PTCHD4: variants seen among roughly 807,000 people sequenced by gnomAD.
The protein encoded by PTCHD4 is patched domain containing 4, also known as patched domain-containing protein 4.
Under a neutral mutation model 58.1 loss-of-function variants are expected in PTCHD4, and 33 were observed. The observed-to-expected ratio is 0.57, with a 90% confidence interval of 0.43 to 0.76. PTCHD4 has a LOEUF of 0.76. PTCHD4 is among the 30% of genes least tolerant of loss of function. The pLI, the probability that PTCHD4 is intolerant of heterozygous loss-of-function variation, is 0.00. For synonymous variants in PTCHD4, 478 were observed against 409.6 expected (o/e 1.17, Z -2.02); for missense variants, 1,058 against 1,027.1 (o/e 1.03, Z -0.41).
intron 1 of PTCHD4, among the ~76,000 whole-genome samples, chr6:48,090,171 G>A (rs890194637): frequency 1.3e-5 from 2 of 152,142 alleles, no homozygotes; most frequent in African/African-American, 4.8e-5. Context: ...TGCATTTAGT[G>A]TTAGAAATTC....
intron 4 of PTCHD4, among the ~76,000 whole-genome samples, chr6:48,002,714 C>T (rs1221291744): frequency 6.6e-6 from 1 of 151,858 alleles, no homozygotes; most frequent in Admixed American, 6.6e-5. Flanking sequence ...ATATATGTAA[C>T]AAACCTGCAC....
At chr6:48,013,930 G>A (rs1762780514) in intron 3 of PTCHD4, among the ~76,000 whole-genome samples, 1 of 152,070 alleles carries the variant, frequency 6.6e-6, no homozygotes, top group Admixed American at 6.6e-5. Context: ...CTGGACAAAA[G>A]ACAAAATTTT....
chr6:48,094,867 A>G (rs1284983984), intron 1 of PTCHD4, among the ~76,000 whole-genome samples: 1 of 152,244 alleles, frequency 6.6e-6, no homozygotes, highest in Non-Finnish European at 1.5e-5. Flanking sequence ...GAGTCTCAAA[A>G]TAATTAAATT....
chr6:48,082,312 A>G (rs993665438), intron 1 of PTCHD4, among the ~76,000 whole-genome samples: 2 of 152,272 alleles, frequency 1.3e-5, no homozygotes, highest in East Asian at 1.9e-4. Flanking sequence ...CATTCAATCC[A>G]TGTTTCTTTT....
At position 47,859,488 on chromosome 6, in the gene PTCHD4, A is replaced by G. The variant is rs1016915039; in HGVS notation, c.*18815T>C. ...ATGAGATACATCTAATATATTTGCA[A>G]CTGAAACACTTGAAGCTTTCAAGGT... On this transcript the variant is annotated 3_prime_UTR_variant, in exon 5 of 5. Coordinates refer to ENST00000339488, the MANE Select transcript of PTCHD4 (RefSeq NM_001384253.1). Among the ~76,000 whole-genome samples the G allele has an allele frequency of 2.0e-5, 3 of 151,994 alleles. No individual in the cohort carries two copies. Among genetic ancestry groups the G allele is most frequent in the African/African-American group, 7.2e-5 (3 of 41,418 alleles).
rs1156707915 is a variant in PTCHD4 at position 47,878,873 on chromosome 6, G to C, written c.1962C>G (p.Val654=). Residue 654 remains valine (V), a synonymous_variant, in exon 5 of 5, where the codon GTC becomes GTG. Transcript: ENST00000339488. ...AGCCTGCAATCAGAACAGGCACTGT[G>C]ACAGACAAGCTGTAATGGTCCATGA... ...FVFMDHYSLS[V]TVPVLIAGFG... The C allele has an allele frequency of 1.2e-6, 2 of 1,613,690 alleles. No homozygotes were observed. The highest frequency in any genetic ancestry group is 8.5e-7 in the Non-Finnish European group (1 of 1,179,772).
chr6:48,068,479 G>T lies in PTCHD4; in HGVS notation c.168C>A (p.Ser56Arg), dbSNP rs759558231. 2 of 1,613,374 alleles carry T rather than the reference G, an allele frequency of 1.2e-6. No homozygotes were observed. Among genetic ancestry groups the T allele is most frequent in the Non-Finnish European group, 1.7e-6 (2 of 1,179,834 alleles). ...CCTCGGGCTGGAAGCGGTTGAGCGC[G>T]CTGAGGCCGAAGGTGATTGTCAGGA... ...PAVLTITFGL[S>R]ALNRFQPEGD... The change falls in exon 3 of 5, where the codon AGC becomes AGA. Residue 56 changes from serine to arginine, a missense_variant. Ser to Arg is a moderately radical substitution (Grantham distance 110). Transcript: ENST00000339488. This position sits in a 1 kb window ranked among gnomAD's most constrained non-coding sequence, Gnocchi z 4.2.
chr6:47,993,498 T>C (rs1315635588), intron 4 of PTCHD4, among the ~76,000 whole-genome samples: 1 of 152,106 alleles, frequency 6.6e-6, no homozygotes, highest in Non-Finnish European at 1.5e-5. Flanking sequence ...GGAGATGCAA[T>C]GCACAATATA....
At chr6:48,042,123 G>C (rs1357178521) in intron 3 of PTCHD4, among the ~76,000 whole-genome samples, 1 of 151,972 alleles carries the variant, frequency 6.6e-6, no homozygotes, top group African/African-American at 2.4e-5. Context: ...TACACTGTTA[G>C]ACACAAATGC....
intron 1 of PTCHD4, among the ~76,000 whole-genome samples, chr6:48,074,751 C>A (rs985403589): frequency 6.6e-6 from 1 of 152,176 alleles, no homozygotes; most frequent in Non-Finnish European, 1.5e-5. Context: ...GGGTCTTGGG[C>A]AGCTAACACT....
intron 4 of PTCHD4, chr6:47,901,713 G>A: frequency 1.7e-6 from 2 of 1,169,194 alleles, no homozygotes; most frequent in Non-Finnish European, 1.1e-6. Flanking sequence ...TAGAGGGCTG[G>A]GTTCTTAGAC....
At chr6:47,952,053 G>A (rs1424562862) in intron 4 of PTCHD4, among the ~76,000 whole-genome samples, 3 of 152,060 alleles carry the variant, frequency 2.0e-5, no homozygotes, top group Non-Finnish European at 2.9e-5. Context: ...AGGAGAGGAC[G>A]GCTCAGAGAG....
chr6:47,920,829 C>T (rs559040404), intron 4 of PTCHD4, among the ~76,000 whole-genome samples: 1 of 152,126 alleles, frequency 6.6e-6, no homozygotes, highest in South Asian at 2.1e-4. Flanking sequence ...ATGGCTGCCA[C>T]CCAAGCGTTA....
In PTCHD4 at chr6:48,008,926, G is replaced by C; in HGVS notation, c.606C>G (p.Leu202=). 1 of 1,613,960 alleles carries C rather than the reference G, an allele frequency of 6.2e-7. No homozygotes were observed. The highest frequency in any genetic ancestry group is 1.6e-4 in the Middle Eastern group (1 of 6,062). The change falls in exon 4 of 5, where the codon CTC becomes CTG. Residue 202 remains leucine, a synonymous_variant. Transcript: ENST00000339488. ...GCTGGAGTTCTTGATGCTCCTCCTGGAGCTTCCTTATAAGCTTACAGAACT... is the reference window on the plus strand; with the variant it reads ...GCTGGAGTTCTTGATGCTCCTCCTGCAGCTTCCTTATAAGCTTACAGAACT... ...ENEFCKLIRK[L]QEEHQELQLY...
intron 1 of PTCHD4, among the ~76,000 whole-genome samples, chr6:48,091,382 T>C (rs1765362685): frequency 6.6e-6 from 1 of 152,008 alleles, no homozygotes; most frequent in African/African-American, 2.4e-5. Context: ...ACATGGGAGC[T>C]TGTTAGATAG....
At chr6:48,002,061 A>G (rs1768743573) in intron 4 of PTCHD4, among the ~76,000 whole-genome samples, 1 of 152,232 alleles carries the variant, frequency 6.6e-6, no homozygotes, top group African/African-American at 2.4e-5. Context: ...CCACAATGAG[A>G]TACCATCACA....
chr6:47,930,502 G>C (rs1038045870), intron 4 of PTCHD4, among the ~76,000 whole-genome samples: 3 of 152,030 alleles, frequency 2.0e-5, no homozygotes, highest in Admixed American at 2.0e-4. Context: ...TGTATTCCTA[G>C]GCACATATTC....
intron 4 of PTCHD4, among the ~76,000 whole-genome samples, chr6:47,880,894 T>C (rs1182423033): frequency 1.3e-5 from 2 of 152,192 alleles, no homozygotes; most frequent in Non-Finnish European, 2.9e-5. Context: ...AAAGGTATTA[T>C]ACTATATCTG....
intron 4 of PTCHD4, among the ~76,000 whole-genome samples, chr6:47,925,517 C>G (rs114822388): frequency 0.018 from 2,758 of 152,276 alleles, 71 homozygotes; most frequent in African/African-American, 0.059. Context: ...GGCACCAACT[C>G]ATGCCATCAA....
Sources: gnomAD v4.1 joint callset for allele counts (sites outside exome capture counted in the v4.1 genomes callset) on GRCh38, gnomAD v4.1.1 for gene constraint, Gnocchi (gnomAD v3.1) non-coding constraint, MANE v1.5 for transcripts, NCBI Gene and HGNC (gene_info 2026-07-23, HGNC 2026-07-21) for gene names.